CTTNBP2: variants seen among roughly 807,000 people sequenced by gnomAD.
The protein encoded by CTTNBP2 is cortactin binding protein 2, also known as cortactin-binding protein 2.
CTTNBP2 carries 108 observed loss-of-function variants against 156.9 expected under a neutral mutation model. The observed-to-expected ratio is 0.69, with a 90% CI of 0.59 to 0.81. The LOEUF (loss-of-function observed/expected upper bound fraction) is 0.81, where lower values mean the gene tolerates loss of function less well. CTTNBP2 is among the 30% of genes least tolerant of loss of function. The probability of loss-of-function intolerance (pLI) is 0.00; values close to 1 mark genes in which losing one functional copy is unlikely to be tolerated. For synonymous variants in CTTNBP2, 767 were observed against 751.8 expected, an observed-to-expected ratio of 1.02 and a Z score of -0.33; for missense variants, 1,924 against 2,035.4, an observed-to-expected ratio of 0.95 and a Z score of 1.05.
chr7:117,787,310 A>G (rs770910892), intron 4 of CTTNBP2, among the ~76,000 whole-genome samples: 9 of 152,240 alleles, frequency 5.9e-5, no homozygotes, highest in Non-Finnish European at 1.0e-4. Flanking sequence ...TAAGGTGAGC[A>G]TCCTGCACAA....
At position 117,780,509 on chromosome 7, in the gene CTTNBP2, T is replaced by C; in HGVS notation, c.2455A>G (p.Lys819Glu). 1 of 1,602,314 alleles carries C rather than the reference T, an allele frequency of 6.2e-7. No individual in the cohort carries two copies. The highest frequency in any genetic ancestry group is 8.5e-7 in the Non-Finnish European group (1 of 1,174,732). The change falls in exon 7 of 23, where the codon AAA (lysine) becomes GAA (glutamate). Residue 819 changes from lysine to glutamate, a missense_variant. Physicochemically the swap from Lys to Glu is moderately conservative, Grantham distance 56 (BLOSUM62 1). Coordinates refer to ENST00000160373, the MANE Select transcript of CTTNBP2 (RefSeq NM_033427.3). Reference protein sequence around the residue: ...GGQTPLYLACKNGNKECIKLL... With the variant: ...GGQTPLYLACENGNKECIKLL... ...TTAATACATTCTTTATTTCCATTTT[T>C]ACAGGCCAGGTATAGAGGTGTCTGT...
At chr7:117,823,956 T>TA (rs1801125171) in intron 2 of CTTNBP2, among the ~76,000 whole-genome samples, 1 of 151,878 alleles carries the variant, frequency 6.6e-6, no homozygotes, top group Non-Finnish European at 1.5e-5. Flanking sequence ...CAGGTCTTTT[T>TA]TTTTTTTCAA....
intron 22 of CTTNBP2, among the ~76,000 whole-genome samples, chr7:117,715,597 CTTCCTG>C (rs1252533799): frequency 6.6e-6 from 1 of 151,134 alleles, no homozygotes; most frequent in Non-Finnish European, 1.5e-5. Context: ...AACATTTGTT[CTTCCTG>C]TTGATTTAAA....
At chr7:117,727,642 T>G in intron 17 of CTTNBP2, among the ~76,000 whole-genome samples, 1 of 152,216 alleles carries the variant, frequency 6.6e-6, no homozygotes, top group Non-Finnish European at 1.5e-5. Flanking sequence ...TCTCCTGATT[T>G]TCTATTTCAT....
chr7:117,746,095 T>C lies in CTTNBP2; in HGVS notation c.3353A>G (p.Glu1118Gly). Reference protein sequence around the residue: ...QMMQNYLRLVEQYHNVIFHGP... With the variant: ...QMMQNYLRLVGQYHNVIFHGP... ...GTGGAAAATGACATTATGATATTGCTCAACCTATTAACAAACCAAGTAGAG... is the reference window on the plus strand; with the variant it reads ...GTGGAAAATGACATTATGATATTGCCCAACCTATTAACAAACCAAGTAGAG... The change falls in exon 13 of 23, where the codon GAG becomes GGG. Residue 1118 changes from glutamate (E) to glycine (G), a missense_variant. By Grantham distance (98) the Glu-to-Gly change is moderately conservative. Transcript: ENST00000160373. The C allele has an allele frequency of 6.2e-7, 1 of 1,612,750 alleles. No individual in the cohort carries two copies.
At chr7:117,862,991 T>C (rs931888236) in intron 1 of CTTNBP2, among the ~76,000 whole-genome samples, 1 of 152,278 alleles carries the variant, frequency 6.6e-6, no homozygotes, top group Non-Finnish European at 1.5e-5. Flanking sequence ...AATGGTACCA[T>C]CCTGTCAGTC....
At position 117,734,903 on chromosome 7, in the gene CTTNBP2, T is replaced by C. The variant is rs1795594954; in HGVS notation, c.3876+10A>G. 6.4e-7 allele frequency: 1 copy of C among 1,572,542 alleles called. No homozygotes were observed. Among genetic ancestry groups the C allele is most frequent in the Admixed American group, 1.8e-5 (1 of 55,522 alleles). On this transcript the variant is annotated intron_variant, in intron 16 of 22. Transcript: ENST00000160373. ...TCTCCTGGCAACAGGCTGCACTTGC[T>C]GTTTGTTACCTTATTCACAACTTTC...
At chr7:117,744,219 G>T (rs1319462235) in intron 14 of CTTNBP2, among the ~76,000 whole-genome samples, 1 of 152,076 alleles carries the variant, frequency 6.6e-6, no homozygotes, top group Non-Finnish European at 1.5e-5. Context: ...AGTTATTACT[G>T]ACTATAGGTA....
At chr7:117,755,448 G>A in intron 12 of CTTNBP2, 1 of 387,004 alleles carries the variant, frequency 2.6e-6, no homozygotes, top group Non-Finnish European at 5.2e-6. Flanking sequence ...TATGTTTAAT[G>A]TTTTATACCA....
intron 2 of CTTNBP2, among the ~76,000 whole-genome samples, chr7:117,813,411 T>C (rs1338276757): frequency 6.6e-6 from 1 of 152,206 alleles, no homozygotes; most frequent in Non-Finnish European, 1.5e-5. Context: ...CCTTTGCGAC[T>C]GTACAGGTTG....
chr7:117,783,074 T>C, intron 5 of CTTNBP2, 113 bp from the exon 6 acceptor site: 2 of 659,738 alleles, frequency 3.0e-6, no homozygotes, highest in Non-Finnish European at 5.1e-6. Flanking sequence ...CCCTGCACAG[T>C]TCATCTCAGA....
At chr7:117,723,820 T>G (rs932747676) in intron 19 of CTTNBP2, among the ~76,000 whole-genome samples, 8 of 150,042 alleles carry the variant, frequency 5.3e-5, no homozygotes, top group African/African-American at 2.0e-4. Context: ...TGGTGTGATC[T>G]CGGCTCACTG....
rs1220230096 is a variant in CTTNBP2, at chr7:117,784,408, G to A, written c.2115C>T (p.Ala705=). Reference sequence around the variant, plus strand: ...GAAGGGTGGGCCTGCCAGCCAGGGGGGCAGGACCACCACTCATTAGCAAAG... The same window carrying A: ...GAAGGGTGGGCCTGCCAGCCAGGGGAGCAGGACCACCACTCATTAGCAAAG... ...LTPLLMSGGP[A]PLAGRPTLLQ... is the part of the protein sequence containing the mutation. Residue 705 remains alanine (A), a synonymous_variant, in exon 5 of 23, where the codon GCC becomes GCT. Transcript: ENST00000160373. 3 of 1,612,176 alleles carry A rather than the reference G, an allele frequency of 1.9e-6. No individual in the cohort carries two copies. The highest frequency in any genetic ancestry group is 2.5e-6 in the Non-Finnish European group (3 of 1,179,436).
intron 1 of CTTNBP2, among the ~76,000 whole-genome samples, chr7:117,866,633 C>T (rs145927230): frequency 9.3e-4 from 141 of 152,256 alleles, no homozygotes; most frequent in Non-Finnish European, 1.5e-3. Flanking sequence ...TAGGGCAAAT[C>T]ATTTCATCTG....
At chr7:117,798,177 T>C (rs915722107) in intron 3 of CTTNBP2, among the ~76,000 whole-genome samples, 8 of 152,008 alleles carry the variant, frequency 5.3e-5, no homozygotes, top group Non-Finnish European at 1.0e-4. Flanking sequence ...TCTACAATAA[T>C]AACAATATCT....
At chr7:117,765,163 C>T (rs1187400593) in intron 9 of CTTNBP2, among the ~76,000 whole-genome samples, 1 of 152,030 alleles carries the variant, frequency 6.6e-6, no homozygotes, top group Admixed American at 6.6e-5. Context: ...CTCGAACTCC[C>T]GACCTCAGGT....
At chr7:117,855,390 G>C (rs1803231566) in intron 2 of CTTNBP2, among the ~76,000 whole-genome samples, 1 of 152,314 alleles carries the variant, frequency 6.6e-6, no homozygotes, top group East Asian at 1.9e-4. Flanking sequence ...TGGGATCACA[G>C]GTGTGAGCTG....
At chr7:117,871,984 GC>G in intron 1 of CTTNBP2, 1 of 985,164 alleles carries the variant, frequency 1.0e-6, no homozygotes, top group Non-Finnish European at 1.2e-6. Context: ...TCCTTACTGT[GC>G]CCCACAGAGG....
At position 117,792,389 on chromosome 7, in the gene CTTNBP2, C is replaced by A. The variant is rs1265193438; in HGVS notation, c.807G>T (p.Leu269=). 1 of 1,614,168 alleles carries A rather than the reference C, an allele frequency of 6.2e-7. No homozygotes were observed. Among genetic ancestry groups the A allele is most frequent in the South Asian group, 1.1e-5 (1 of 91,084 alleles). ...TTGGTTTGCTGTCACTTCCCCTTTTCAGTTGCTCAATCATTTTCCTCATCT... is the reference window on the plus strand; with the variant it reads ...TTGGTTTGCTGTCACTTCCCCTTTTAAGTTGCTCAATCATTTTCCTCATCT... The part of the protein sequence containing the change: ...IDKMRKMIEQ[L]KRGSDSKPSL... Residue 269 remains leucine (L), a synonymous_variant, in exon 4 of 23, where the codon CTG becomes CTT. Transcript: ENST00000160373. The surrounding 1 kb of genome is among the most constrained non-coding windows in gnomAD (Gnocchi z 4.2).
Sources: gnomAD v4.1 joint callset for allele counts (sites outside exome capture counted in the v4.1 genomes callset) on GRCh38, gnomAD v4.1.1 for gene constraint, Gnocchi (gnomAD v3.1) non-coding constraint, MANE v1.5 for transcripts, NCBI Gene and HGNC (gene_info 2026-07-23, HGNC 2026-07-21) for gene names.